The following SLC24A2 variants were observed in gnomAD, a reference collection of about 807,000 sequenced individuals.
SLC24A2 encodes solute carrier family 24 member 2, also known as sodium/potassium/calcium exchanger 2.
A neutral mutation model predicts 62.0 loss-of-function variants in SLC24A2; 36 were observed. That is an observed-to-expected ratio of 0.58 (90% CI 0.44 to 0.77). The LOEUF (loss-of-function observed/expected upper bound fraction) is 0.77. SLC24A2 is among the 30% of genes least tolerant of loss of function. The pLI, the probability that SLC24A2 is intolerant of heterozygous loss-of-function variation, is 0.00. For missense variants in SLC24A2, 846 were observed against 817.9 expected, an observed-to-expected ratio of 1.03 and a Z score of -0.42; for synonymous variants, 358 against 294.0, an observed-to-expected ratio of 1.22 and a Z score of -2.23.
chr9:19,635,840 C>T (rs1818296821), intron 2 of SLC24A2, among the ~76,000 whole-genome samples: 1 of 152,152 alleles, frequency 6.6e-6, no homozygotes, highest in Non-Finnish European at 1.5e-5. Flanking sequence ...TTAAACGTTT[C>T]ATATGTTTAT....
At chr9:20,111,621 C>T in the SLC24A2 span, among the ~76,000 whole-genome samples, 10,256 of 152,208 alleles carry the variant, frequency 0.067, 473 homozygotes, top group Middle Eastern at 0.16. Flanking sequence ...GAAATGTAGA[C>T]TCCTGGGCCC....
At chr9:20,181,141 T>C in the SLC24A2 span, among the ~76,000 whole-genome samples, 1 of 152,098 alleles carries the variant, frequency 6.6e-6, no homozygotes, top group Non-Finnish European at 1.5e-5. Flanking sequence ...TACTGACTAA[T>C]AGCTTTGTAG....
At chr9:19,769,035 G>A (rs1306537405) in intron 2 of SLC24A2, among the ~76,000 whole-genome samples, 4 of 152,000 alleles carry the variant, frequency 2.6e-5, no homozygotes, top group Non-Finnish European at 4.4e-5. Context: ...CTGAATTCCA[G>A]ACTCATACCC....
chr9:19,971,120 T>C, the SLC24A2 span, among the ~76,000 whole-genome samples: 5 of 152,176 alleles, frequency 3.3e-5, no homozygotes, highest in African/African-American at 1.2e-4. Flanking sequence ...CATAAGCATG[T>C]ATTTGCATTA....
chr9:19,570,110 T>C (rs1403974662), intron 7 of SLC24A2, among the ~76,000 whole-genome samples: 5 of 152,250 alleles, frequency 3.3e-5, no homozygotes, highest in African/African-American at 7.2e-5. Context: ...GCCCAGTACA[T>C]TGTCTGACAC....
chr9:19,556,104 C>T (rs766161531), intron 7 of SLC24A2, among the ~76,000 whole-genome samples: 12 of 152,208 alleles, frequency 7.9e-5, no homozygotes, highest in African/African-American at 4.8e-5. Context: ...TTTCACGGGT[C>T]ACTCAGCATC....
the SLC24A2 span, among the ~76,000 whole-genome samples, chr9:19,842,501 T>C: frequency 6.6e-6 from 1 of 152,174 alleles, no homozygotes; most frequent in Non-Finnish European, 1.5e-5. Context: ...CCAGAATACA[T>C]GGGTCCAGAA....
chr9:19,595,469 G>A (rs1416672846), intron 5 of SLC24A2, among the ~76,000 whole-genome samples: 4 of 152,178 alleles, frequency 2.6e-5, no homozygotes, highest in Admixed American at 6.6e-5. Context: ...AGTATGTTGA[G>A]GGTGACCCAG....
At chr9:20,087,475 A>C in the SLC24A2 span, among the ~76,000 whole-genome samples, 1 of 152,192 alleles carries the variant, frequency 6.6e-6, no homozygotes, top group African/African-American at 2.4e-5. Flanking sequence ...CTCACCACTC[A>C]AGAAATAATT....
chr9:19,649,447 C>T (rs755891020), intron 2 of SLC24A2, among the ~76,000 whole-genome samples: 1 of 151,984 alleles, frequency 6.6e-6, no homozygotes, highest in Non-Finnish European at 1.5e-5. Flanking sequence ...CTTTTTAAGG[C>T]ACTAGAACCA....
the SLC24A2 span, among the ~76,000 whole-genome samples, chr9:19,869,736 A>T: frequency 6.6e-6 from 1 of 152,196 alleles, no homozygotes; most frequent in Non-Finnish European, 1.5e-5. Flanking sequence ...TATATGTCAT[A>T]AATCCAACAA....
At chr9:20,039,575 T>C in the SLC24A2 span, among the ~76,000 whole-genome samples, 1 of 151,866 alleles carries the variant, frequency 6.6e-6, no homozygotes, top group African/African-American at 2.4e-5. Context: ...ATTGTGGAAA[T>C]AGGCAGCAAG....
chr9:19,619,003 G>T (rs2117885519), intron 4 of SLC24A2, among the ~76,000 whole-genome samples: 1 of 152,260 alleles, frequency 6.6e-6, no homozygotes, highest in Non-Finnish European at 1.5e-5. Context: ...ATTACACTGG[G>T]AAGTGAGCCA....
chr9:19,556,745 C>T (rs1041584683), intron 7 of SLC24A2, among the ~76,000 whole-genome samples: 2 of 152,150 alleles, frequency 1.3e-5, no homozygotes, highest in Admixed American at 6.6e-5. Context: ...ACGTATTTTA[C>T]ATAAAAACAT....
chr9:20,219,195 GA>G, the SLC24A2 span, among the ~76,000 whole-genome samples: 5 of 152,200 alleles, frequency 3.3e-5, no homozygotes, highest in African/African-American at 1.2e-4. Context: ...ACATGTGGCA[GA>G]GGCTGTGGAG....
At chr9:20,130,843 G>A in the SLC24A2 span, among the ~76,000 whole-genome samples, 1 of 151,968 alleles carries the variant, frequency 6.6e-6, no homozygotes, top group Admixed American at 6.6e-5. Context: ...GGTGAAGGTG[G>A]AAAAAATCAT....
the SLC24A2 span, among the ~76,000 whole-genome samples, chr9:20,266,386 C>T: frequency 7.9e-5 from 12 of 152,132 alleles, no homozygotes; most frequent in African/African-American, 1.9e-4. Flanking sequence ...ACATGACTGT[C>T]GGGGGCAGGT....
At chr9:20,122,655 C>T in the SLC24A2 span, among the ~76,000 whole-genome samples, 2 of 152,240 alleles carry the variant, frequency 1.3e-5, no homozygotes, top group South Asian at 2.1e-4. Context: ...CACTGCACTC[C>T]AGCCTGGGCG....
At chr9:19,922,410 C>A in the SLC24A2 span, among the ~76,000 whole-genome samples, 2 of 152,216 alleles carry the variant, frequency 1.3e-5, no homozygotes, top group South Asian at 4.1e-4. Context: ...TTTTTATGCA[C>A]CCTATTTATT....
Sources: allele counts gnomAD v4.1 joint callset (sites outside exome capture counted in the v4.1 genomes callset), GRCh38; gene constraint gnomAD v4.1.1; transcripts MANE v1.5; gene names NCBI Gene and HGNC (gene_info 2026-07-23, HGNC 2026-07-21).